Variants in SGCZ observed in about 807,000 individuals in gnomAD.
The protein encoded by SGCZ is zeta-sarcoglycan.
A neutral mutation model predicts 41.3 loss-of-function variants in SGCZ; 40 were observed. The observed-to-expected ratio is 0.97, with a 90% CI of 0.75 to 1.26. The LOEUF (loss-of-function observed/expected upper bound fraction) is 1.26. SGCZ is among the 50% of genes most tolerant of loss of function. The pLI is 0.00. For missense variants in SGCZ, 552 were observed against 369.8 expected, an observed-to-expected ratio of 1.49 and a Z score of -4.04; for synonymous variants, 206 against 137.5, an observed-to-expected ratio of 1.50 and a Z score of -3.49.
chr8:14,846,703 C>CAAAAA lies in SGCZ; in HGVS notation c.40-291782_40-291778dup, dbSNP rs56796907. Among the ~76,000 whole-genome samples, 10 of 19,336 alleles carry CAAAAA rather than the reference C, an allele frequency of 5.2e-4. 1 individual carries two copies. The highest frequency in any genetic ancestry group is 7.9e-4 in the Non-Finnish European group (7 of 8,856). The allele number at this position is 19,336 out of a possible 152,430, so 12.7% of individuals were successfully genotyped here. ...ATTTGTAGCTAAAACCCTTTAAATC[C>CAAAAA]AAAAAAAAAAAAAAAAAAAAAAAAA... On this transcript the variant is annotated intron_variant, in intron 1 of 7. Coordinates refer to ENST00000382080, the MANE Select transcript of SGCZ (RefSeq NM_139167.4).
chr8:14,197,216 T>G (rs932506839), intron 4 of SGCZ, among the ~76,000 whole-genome samples: 16 of 152,126 alleles, frequency 1.1e-4, no homozygotes, highest in African/African-American at 3.6e-4. Context: ...CTACTAAATA[T>G]TTAAGCAAAA....
chr8:14,914,666 A>G (rs867670451), intron 1 of SGCZ, among the ~76,000 whole-genome samples: 19 of 152,348 alleles, frequency 1.2e-4, no homozygotes, highest in Admixed American at 4.6e-4. Context: ...GGCACTTAAA[A>G]TAATTATAAA....
intron 2 of SGCZ, among the ~76,000 whole-genome samples, chr8:14,484,569 G>A (rs1801622450): frequency 6.6e-6 from 1 of 152,002 alleles, no homozygotes; most frequent in Non-Finnish European, 1.5e-5. Flanking sequence ...GGAGCATCCT[G>A]GTATGGAAAA....
chr8:14,889,014 T>C (rs1314017672), intron 1 of SGCZ, among the ~76,000 whole-genome samples: 1 of 152,178 alleles, frequency 6.6e-6, no homozygotes. Flanking sequence ...CTACACAAAG[T>C]AACATTGTAT....
chr8:14,371,508 C>T (rs539476839), intron 2 of SGCZ, among the ~76,000 whole-genome samples: 4 of 149,588 alleles, frequency 2.7e-5, no homozygotes, highest in Admixed American at 2.0e-4. Context: ...TCCTAAATTT[C>T]GTATGTAAAT....
intron 1 of SGCZ, among the ~76,000 whole-genome samples, chr8:15,195,271 G>C (rs1424203550): frequency 6.6e-6 from 1 of 152,106 alleles, no homozygotes; most frequent in Admixed American, 6.6e-5. Context: ...GTGTCCTCCT[G>C]TCAGCATCAT....
chr8:14,585,415 CTTCT>C (rs1180419101), intron 1 of SGCZ, among the ~76,000 whole-genome samples: 8 of 151,898 alleles, frequency 5.3e-5, no homozygotes, highest in African/African-American at 2.4e-5. Context: ...AATGTTTATA[CTTCT>C]TTCTATTTTT....
At chr8:14,531,711 T>A (rs1046100564) in intron 2 of SGCZ, among the ~76,000 whole-genome samples, 3 of 152,098 alleles carry the variant, frequency 2.0e-5, no homozygotes, top group African/African-American at 7.2e-5. Context: ...CCCTCAAACC[T>A]AAATGCTGTC....
At chr8:14,656,088 G>A (rs1374028337) in intron 1 of SGCZ, among the ~76,000 whole-genome samples, 2 of 151,968 alleles carry the variant, frequency 1.3e-5, no homozygotes, top group Admixed American at 1.3e-4. Context: ...TTATATGAAC[G>A]TTGTTTTTAT....
intron 1 of SGCZ, among the ~76,000 whole-genome samples, chr8:14,631,578 G>A (rs1585139799): frequency 6.6e-6 from 1 of 152,094 alleles, no homozygotes; most frequent in Admixed American, 6.6e-5. Flanking sequence ...GTCTCAGATT[G>A]AGGAAAGCAG....
At chr8:14,291,169 G>A (rs1800828350) in intron 3 of SGCZ, among the ~76,000 whole-genome samples, 1 of 151,996 alleles carries the variant, frequency 6.6e-6, no homozygotes, top group African/African-American at 2.4e-5. Flanking sequence ...AATGGGGAGA[G>A]TCAGGGAAAT....
chr8:14,147,562 T>C (rs945153599), intron 5 of SGCZ, among the ~76,000 whole-genome samples: 24 of 152,104 alleles, frequency 1.6e-4, no homozygotes, highest in African/African-American at 5.8e-4. Context: ...TCCAAATATA[T>C]AGAGGAAACA....
chr8:14,824,190 G>A (rs1469455329), intron 1 of SGCZ, among the ~76,000 whole-genome samples: 1 of 151,944 alleles, frequency 6.6e-6, no homozygotes, highest in Admixed American at 6.6e-5. Flanking sequence ...CTGCACAGTA[G>A]GGTGACTATA....
At chr8:15,184,778 A>G (rs1585650740) in intron 1 of SGCZ, among the ~76,000 whole-genome samples, 1 of 152,286 alleles carries the variant, frequency 6.6e-6, no homozygotes, top group East Asian at 1.9e-4. Context: ...ATATCGGGTG[A>G]TGTTGATTCT....
chr8:14,779,166 A>G (rs575559572), intron 1 of SGCZ, among the ~76,000 whole-genome samples: 31 of 152,318 alleles, frequency 2.0e-4, no homozygotes, highest in Non-Finnish European at 3.5e-4. Context: ...TTCCTCACAT[A>G]TTAAATCATG....
At chr8:14,558,438 G>C (rs888488292) in intron 1 of SGCZ, among the ~76,000 whole-genome samples, 2 of 152,112 alleles carry the variant, frequency 1.3e-5, no homozygotes, top group East Asian at 3.9e-4. Flanking sequence ...AGCTGGGTGT[G>C]GTGGTGGGTG....
chr8:14,836,067 G>C (rs1166371450), intron 1 of SGCZ, among the ~76,000 whole-genome samples: 1 of 152,024 alleles, frequency 6.6e-6, no homozygotes, highest in Non-Finnish European at 1.5e-5. Flanking sequence ...CCTCTACCTT[G>C]ATTAACGTCA....
chr8:14,237,695 AAAAT>A lies in SGCZ; in HGVS notation c.337-20_337-17del, dbSNP rs774694077. 4 of 1,589,964 alleles carry A rather than the reference AAAAT, an allele frequency of 2.5e-6. No homozygotes were observed. Among genetic ancestry groups the A allele is most frequent in the African/African-American group, 2.7e-5 (2 of 74,184 alleles). On this transcript the variant is annotated splice_polypyrimidine_tract_variant and intron_variant, in intron 3 of 7. Transcript: ENST00000382080. ...GCGGACTATCCTGGGAAACATGTAT[AAAAT>A]AAATAAATAGAAAATAGAAATATCG...
chr8:14,981,098 A>C (rs947371182), intron 1 of SGCZ, among the ~76,000 whole-genome samples: 3 of 152,080 alleles, frequency 2.0e-5, no homozygotes, highest in Non-Finnish European at 4.4e-5. Context: ...ATCTCCTACC[A>C]ACTCATATTT....
Sources: allele counts gnomAD v4.1 joint callset (sites outside exome capture counted in the v4.1 genomes callset), GRCh38; gene constraint gnomAD v4.1.1; transcripts MANE v1.5; gene names NCBI Gene and HGNC (gene_info 2026-07-23, HGNC 2026-07-21).